Variants in CPED1 observed in about 807,000 individuals in gnomAD.
CPED1 encodes cadherin-like and PC-esterase domain-containing protein 1.
In CPED1, 114 loss-of-function variants were observed where a neutral mutation model predicts 128.2. That is an observed-to-expected ratio of 0.89 (90% CI 0.76 to 1.04). The LOEUF (loss-of-function observed/expected upper bound fraction) is 1.04. Among genes scored for constraint, CPED1 ranks in the 50% least tolerant of loss-of-function variants. The pLI, the probability that CPED1 is intolerant of heterozygous loss-of-function variation, is 0.00. For missense variants in CPED1, 1,211 were observed against 1,207.1 expected, an observed-to-expected ratio of 1.00 and a Z score of -0.05; for synonymous variants, 462 against 426.7, an observed-to-expected ratio of 1.08 and a Z score of -1.02.
chr7:121,234,200 G>C (rs2116659032), intron 16 of CPED1, among the ~76,000 whole-genome samples: 1 of 152,018 alleles, frequency 6.6e-6, no homozygotes, highest in Middle Eastern at 3.4e-3. Flanking sequence ...TATGGCGTAG[G>C]TACCTAAGGC....
At chr7:121,025,597 G>A (rs1468644359) in intron 3 of CPED1, among the ~76,000 whole-genome samples, 1 of 152,002 alleles carries the variant, frequency 6.6e-6, no homozygotes, top group Non-Finnish European at 1.5e-5. Context: ...GTATGGGTTG[G>A]GAGTGTTCTT....
At chr7:121,034,777 G>C (rs536668731) in intron 3 of CPED1, among the ~76,000 whole-genome samples, 1 of 152,200 alleles carries the variant, frequency 6.6e-6, no homozygotes, top group East Asian at 1.9e-4. Flanking sequence ...GTCAAAGATG[G>C]GGCCTGAAAA....
intron 5 of CPED1, among the ~76,000 whole-genome samples, chr7:121,090,587 G>A (rs1563021843): frequency 1.3e-5 from 2 of 152,214 alleles, no homozygotes; most frequent in East Asian, 1.9e-4. Context: ...TGTGTTTGGC[G>A]TATCCATTCT....
intron 16 of CPED1, among the ~76,000 whole-genome samples, chr7:121,222,220 T>C (rs1797895247): frequency 6.6e-6 from 1 of 152,128 alleles, no homozygotes; most frequent in Admixed American, 6.6e-5. Context: ...GGAATCCGTT[T>C]CCCATTTCTT....
chr7:121,037,755 T>C (rs1297978839), intron 3 of CPED1, among the ~76,000 whole-genome samples: 2 of 152,216 alleles, frequency 1.3e-5, no homozygotes, highest in African/African-American at 4.8e-5. Flanking sequence ...GTATTAATTC[T>C]ACTCATCCAT....
intron 22 of CPED1, among the ~76,000 whole-genome samples, chr7:121,279,619 A>G (rs1213534144): frequency 6.6e-6 from 1 of 152,160 alleles, no homozygotes; most frequent in African/African-American, 2.4e-5. Context: ...TTCAGATCCT[A>G]TGCTGAAAAA....
intron 22 of CPED1, among the ~76,000 whole-genome samples, chr7:121,272,252 T>C (rs1792247251): frequency 6.6e-6 from 1 of 152,092 alleles, no homozygotes; most frequent in Admixed American, 6.6e-5. Context: ...CCATCTTCCT[T>C]CTCTACTTTT....
intron 16 of CPED1, among the ~76,000 whole-genome samples, chr7:121,158,897 G>T (rs560614076): frequency 3.9e-4 from 60 of 152,150 alleles, no homozygotes; most frequent in African/African-American, 1.0e-3. Context: ...ATAAAATAAT[G>T]TTTTTCATGT....
chr7:121,038,525 G>C (rs1024925153), intron 3 of CPED1, among the ~76,000 whole-genome samples: 1 of 152,068 alleles, frequency 6.6e-6, no homozygotes, highest in South Asian at 2.1e-4. Flanking sequence ...ATATGTGAAA[G>C]TCTGTGTCTA....
intron 7 of CPED1, among the ~76,000 whole-genome samples, chr7:121,114,570 A>T (rs1012557907): frequency 6.6e-6 from 1 of 152,198 alleles, no homozygotes; most frequent in Non-Finnish European, 1.5e-5. Flanking sequence ...TTCAAAATTT[A>T]GGGGGAAGCT....
intron 3 of CPED1, among the ~76,000 whole-genome samples, chr7:121,040,182 C>T (rs2058501): frequency 0.47 from 71,394 of 151,854 alleles, 18,050 homozygotes; most frequent in South Asian, 0.64. Context: ...GGTGAAGAGA[C>T]CAGATTTATT....
intron 7 of CPED1, among the ~76,000 whole-genome samples, chr7:121,122,804 GAAGT>G (rs935868871): frequency 1.4e-4 from 21 of 152,148 alleles, no homozygotes; most frequent in African/African-American, 3.4e-4. Context: ...TCATTTTAGA[GAAGT>G]AAGTGCAACC....
chr7:121,078,024 A>G (rs1008813797), intron 5 of CPED1, among the ~76,000 whole-genome samples: 3 of 151,320 alleles, frequency 2.0e-5, no homozygotes, highest in Admixed American at 6.6e-5. Flanking sequence ...TTTTTACTTC[A>G]TACTACTATA....
At chr7:121,003,711 A>T (rs894064988) in intron 2 of CPED1, among the ~76,000 whole-genome samples, 18 of 152,246 alleles carry the variant, frequency 1.2e-4, no homozygotes, top group African/African-American at 4.3e-4. Flanking sequence ...GGTAGAGTGG[A>T]GGCACCTCTC....
At chr7:121,150,920 C>T (rs1460283919) in intron 16 of CPED1, among the ~76,000 whole-genome samples, 1 of 152,058 alleles carries the variant, frequency 6.6e-6, no homozygotes, top group African/African-American at 2.4e-5. Context: ...AGGCGCCTGC[C>T]ACCACACCCG....
intron 3 of CPED1, among the ~76,000 whole-genome samples, chr7:121,038,561 C>T (rs1792962391): frequency 6.6e-6 from 1 of 152,086 alleles, no homozygotes; most frequent in African/African-American, 2.4e-5. Flanking sequence ...CAATCATCAT[C>T]TTGTTTCTTC....
chr7:121,140,724 G>C, intron 14 of CPED1, 103 bp from the exon 15 acceptor site: 1 of 788,256 alleles, frequency 1.3e-6, no homozygotes, highest in Non-Finnish European at 2.0e-6. Flanking sequence ...GATCATTGAA[G>C]TTGTTCAAAG....
At chr7:121,090,968 A>T (rs879543512) in intron 5 of CPED1, among the ~76,000 whole-genome samples, 5 of 152,146 alleles carry the variant, frequency 3.3e-5, no homozygotes, top group Admixed American at 1.3e-4. Flanking sequence ...AAAATAAAAA[A>T]AAAAGCATAG....
At chr7:121,014,536 C>A (rs1298667079) in intron 2 of CPED1, among the ~76,000 whole-genome samples, 1 of 129,212 alleles carries the variant, frequency 7.7e-6, no homozygotes, top group African/African-American at 2.9e-5. Flanking sequence ...GGCGACAGAG[C>A]GAGACTTTGT....
Sources: allele counts gnomAD v4.1 joint callset (sites outside exome capture counted in the v4.1 genomes callset), GRCh38; gene constraint gnomAD v4.1.1; transcripts MANE v1.5; gene names NCBI Gene and HGNC (gene_info 2026-07-23, HGNC 2026-07-21).